Variants in CERT1 observed in about 807,000 individuals in gnomAD.
CERT1 encodes ceramide transfer protein.
In CERT1, 31 loss-of-function variants were observed where a neutral mutation model predicts 87.9. The ratio of observed to expected loss-of-function variants is 0.35; its 90% CI spans 0.27 to 0.48. CERT1 has a LOEUF of 0.48. Ranked by LOEUF, CERT1 falls within the 20% of genes least tolerant of loss-of-function variation. CERT1 has a pLI of 0.99. For missense variants in CERT1, 487 were observed against 758.0 expected (o/e 0.64, Z 4.20); for synonymous variants, 289 against 250.9 (o/e 1.15, Z -1.44).
At chr5:75,425,794 T>C (rs936343723) in intron 4 of CERT1, among the ~76,000 whole-genome samples, 1 of 152,200 alleles carries the variant, frequency 6.6e-6, no homozygotes, top group Non-Finnish European at 1.5e-5. Context: ...TTTGCAAATA[T>C]AACATTTGGT....
At chr5:75,389,747 G>A in intron 11 of CERT1, 60 bp from the exon 12 acceptor site, 2 of 1,314,678 alleles carry the variant, frequency 1.5e-6, no homozygotes, top group Non-Finnish European at 2.2e-6. Flanking sequence ...CTCTAAAACA[G>A]AATGGTCTTC....
At chr5:75,483,898 A>C (rs1178670694) in intron 2 of CERT1, among the ~76,000 whole-genome samples, 1 of 152,148 alleles carries the variant, frequency 6.6e-6, no homozygotes, top group Non-Finnish European at 1.5e-5. Flanking sequence ...CTGAAGTTAC[A>C]AAAATCACTA....
chr5:75,431,841 T>C (rs985531825), intron 3 of CERT1, among the ~76,000 whole-genome samples: 1 of 152,176 alleles, frequency 6.6e-6, no homozygotes, highest in Admixed American at 6.5e-5. Flanking sequence ...GTTCATTCCA[T>C]GTTTTTGCTA....
intron 2 of CERT1, among the ~76,000 whole-genome samples, chr5:75,486,718 T>G (rs1440695542): frequency 6.6e-6 from 1 of 151,802 alleles, no homozygotes; most frequent in Non-Finnish European, 1.5e-5. Context: ...AGAAATCAAG[T>G]AATTCCATTT....
Position 75,384,631 on chromosome 5 carries a change from G to C in CERT1, c.1488+11C>G. The C allele has an allele frequency of 6.4e-7, 1 of 1,569,712 alleles. No individual in the cohort carries two copies. Among genetic ancestry groups the C allele is most frequent in the Non-Finnish European group, 8.8e-7 (1 of 1,141,780 alleles). ...TTGAAATCCTTTTAGGATGAATGAA[G>C]AGATCTTTACCTTGTGTGTTTGATA... On this transcript the variant is annotated intron_variant, in intron 14 of 16. Transcript: ENST00000643780.
In CERT1 at chr5:75,459,026, C is replaced by T. The variant is rs775595627; in HGVS notation, c.348+39G>A. ...TTAAGGTATTGTCAACAATCTCTTA[C>T]CTAGTCCTCCATGGACAGGTAAACA... On this transcript the variant is annotated intron_variant, in intron 3 of 16. Coordinates refer to ENST00000643780, the MANE Select transcript of CERT1 (RefSeq NM_001379029.1). 7.6e-5 allele frequency: 89 copies of T among 1,166,180 alleles called. No homozygotes were observed. The East Asian group carries it at 1.9e-3, about 25-fold the overall frequency. The allele number at this position is 1,166,180 out of a possible 1,614,324, so 72.2% of individuals were successfully genotyped here. A position where few individuals can be genotyped will look rare whatever the true frequency, so the allele number is the denominator to read the frequency against.
rs746091837 is a variant in CERT1 at position 75,403,038 on chromosome 5, A to C, written c.951T>G (p.Ile317Met). Residue 317 changes from isoleucine (I) to methionine (M), a missense_variant, in exon 9 of 17, where the codon ATT (isoleucine) becomes ATG (methionine). Physicochemically the swap from Ile to Met is conservative, Grantham distance 10. Around this residue, in one of 8 missense-constraint regions of CERT1, gnomAD observed 9 missense variants for 35.9 expected, o/e 0.25. Transcript: ENST00000643780. ...CAGCATCAAAGAACTCTTCTTCATT[A>C]ATCAGACTGTTAGGGCCTTCCTATT... ...PDYEEGPNSL[I>M]NEEEFFDAVE... 6.2e-7 allele frequency: 1 copy of C among 1,613,144 alleles called. No homozygotes were observed. Among genetic ancestry groups the C allele is most frequent in the East Asian group, 2.2e-5 (1 of 44,820 alleles).
chr5:75,496,681 T>C (rs1767085553), intron 2 of CERT1, among the ~76,000 whole-genome samples: 1 of 152,014 alleles, frequency 6.6e-6, no homozygotes. Context: ...ACATGATGAG[T>C]AGTAAAAGCA....
rs575163438 is a variant in CERT1, at chr5:75,410,732, A to C, written c.930+279T>G. 2.3e-5 allele frequency: 5 copies of C among 216,038 alleles called. No homozygotes were observed. The South Asian group carries it at 7.3e-4, about 31-fold the overall frequency. The allele number at this position is 216,038 out of a possible 1,614,324, so 13.4% of individuals were successfully genotyped here. On this transcript the variant is annotated intron_variant, in intron 8 of 16. Transcript: ENST00000643780. ...AAAAAAAAAAAAGTAGATAACATTA[A>C]AAATGATCATCTTTACAGGGGAGAT... is the stretch of plus-strand genomic sequence containing the variant.
intron 6 of CERT1, 35 bp downstream of exon 6, chr5:75,419,306 T>C: frequency 1.5e-6 from 2 of 1,374,572 alleles, no homozygotes; most frequent in Non-Finnish European, 2.0e-6. Flanking sequence ...TGAAAGTATA[T>C]TTTATCCAGC....
In CERT1 at chr5:75,423,869, T is replaced by C. The variant is rs565663345; in HGVS notation, c.595+1492A>G. Among the ~76,000 whole-genome samples, 4 of 152,176 alleles carry C rather than the reference T, an allele frequency of 2.6e-5. No individual in the cohort carries two copies. In the East Asian group the frequency reaches 7.7e-4, roughly 29 times the overall value. On this transcript the variant is annotated intron_variant, in intron 5 of 16. Transcript: ENST00000643780. ...AAAGGAGATAAAGTGGAATTATATATATATGAAAAAAATTTCATCCAAAGA... is the reference window on the plus strand; with the variant it reads ...AAAGGAGATAAAGTGGAATTATATACATATGAAAAAAATTTCATCCAAAGA...
At chr5:75,510,175 T>C (rs1434308834) in intron 1 of CERT1, among the ~76,000 whole-genome samples, 1 of 152,146 alleles carries the variant, frequency 6.6e-6, no homozygotes. Flanking sequence ...GTTGAGGGAC[T>C]GGCCCAGCTC....
chr5:75,422,186 TC>T (rs1763410153), intron 5 of CERT1, among the ~76,000 whole-genome samples: 1 of 152,140 alleles, frequency 6.6e-6, no homozygotes, highest in Admixed American at 6.5e-5. Context: ...TTTTTAAAGC[TC>T]CCCGAGATGA....
intron 14 of CERT1, among the ~76,000 whole-genome samples, chr5:75,382,445 C>T (rs182892113): frequency 1.3e-5 from 2 of 152,230 alleles, no homozygotes; most frequent in Admixed American, 1.3e-4. Context: ...TAAGCAACAA[C>T]TTTCCATTCC....
At chr5:75,409,620 G>A (rs539349225) in intron 8 of CERT1, among the ~76,000 whole-genome samples, 5 of 151,856 alleles carry the variant, frequency 3.3e-5, no homozygotes, top group Admixed American at 6.6e-5. Flanking sequence ...TCTGCCTCCC[G>A]GGTTCAAGTG....
intron 3 of CERT1, among the ~76,000 whole-genome samples, chr5:75,450,274 G>C (rs1365540013): frequency 1.3e-5 from 2 of 152,124 alleles, no homozygotes; most frequent in African/African-American, 4.8e-5. Flanking sequence ...GGTCAGGCAT[G>C]CCTCATTATA....
In CERT1 at chr5:75,425,075, G is replaced by A. The variant is rs1037685886; in HGVS notation, c.595+286C>T. Among the ~76,000 whole-genome samples the A allele has an allele frequency of 4.6e-5, 7 of 152,192 alleles. No homozygotes were observed. In the South Asian group the frequency reaches 8.3e-4, roughly 18 times the overall value. On this transcript the variant is annotated intron_variant, in intron 5 of 16. Coordinates refer to ENST00000643780, the MANE Select transcript of CERT1 (RefSeq NM_001379029.1). ...TGAGGCTGCAGTGAGCTATGATCGC[G>A]CCACTGCACTCCAGCCTGGGCGATA...
At chr5:75,505,701 A>C (rs1181536685) in intron 2 of CERT1, 1 of 208,704 alleles carries the variant, frequency 4.8e-6, no homozygotes, top group Non-Finnish European at 9.4e-6. Flanking sequence ...TAACTGTCCC[A>C]GCCTCAACAA....
chr5:75,429,978 G>A (rs909641617), intron 3 of CERT1, among the ~76,000 whole-genome samples: 2 of 151,644 alleles, frequency 1.3e-5, no homozygotes, highest in Admixed American at 6.6e-5. Context: ...GAGGAAACTT[G>A]TCCCCACCCC....
Sources: allele counts gnomAD v4.1 joint callset (sites outside exome capture counted in the v4.1 genomes callset), GRCh38; gene constraint gnomAD v4.1.1; regional missense constraint gnomAD v4.1.1; transcripts MANE v1.5; gene names NCBI Gene and HGNC (gene_info 2026-07-23, HGNC 2026-07-21).